DLG4: variants seen among roughly 807,000 people sequenced by gnomAD.
The protein encoded by DLG4 is disks large homolog 4.
In DLG4, 7 loss-of-function variants were observed where a neutral mutation model predicts 93.8. That is an observed-to-expected ratio of 0.07 (90% CI 0.04 to 0.14). The LOEUF (loss-of-function observed/expected upper bound fraction) is 0.14. DLG4 is among the 10% of genes least tolerant of loss of function. The pLI, the probability that DLG4 is intolerant of heterozygous loss-of-function variation, is 1.00. For synonymous variants in DLG4, 341 were observed against 387.6 expected, an observed-to-expected ratio of 0.88 and a Z score of 1.41; for missense variants, 545 against 992.9, an observed-to-expected ratio of 0.55 and a Z score of 6.06.
At position 7,202,742 on chromosome 17, in the gene DLG4, T is replaced by C. The variant is rs578038144; in HGVS notation, c.787+161A>G. ...ATCTTTTCTAGTTCTTTTATGGTAA[T>C]TGATTTTCCATCTCTTCTCCAACAA... is the stretch of plus-strand genomic sequence containing the variant. On this transcript the variant is annotated intron_variant, in intron 8 of 19. Transcript: ENST00000399506. 289 of 896,284 alleles carry C rather than the reference T, an allele frequency of 3.2e-4. 3 individuals are homozygous for C. The highest frequency in any genetic ancestry group is 3.0e-3 in the South Asian group (149 of 49,104). The allele number at this position is 896,284 out of a possible 1,614,324, so 55.5% of individuals were successfully genotyped here.
intron 2 of DLG4, among the ~76,000 whole-genome samples, chr17:7,206,579 T>A (rs1246134045): frequency 6.6e-6 from 1 of 151,974 alleles, no homozygotes; most frequent in African/African-American, 2.4e-5. Context: ...GCACAAAGCA[T>A]CTCTAGTCTT....
At chr17:7,214,288 G>T (rs953037996) in intron 1 of DLG4, among the ~76,000 whole-genome samples, 1 of 152,128 alleles carries the variant, frequency 6.6e-6, no homozygotes, top group Non-Finnish European at 1.5e-5. Flanking sequence ...CGCACGGGGG[G>T]CCACGCCACG....
chr17:7,204,458 G>T (rs1308469206), intron 2 of DLG4: 5 of 547,708 alleles, frequency 9.1e-6, no homozygotes, highest in Admixed American at 3.5e-5. Context: ...CACACGCACA[G>T]ATGCACACGC....
chr17:7,188,620 A>C lies in DLG4; in HGVS notation c.*2088T>G, dbSNP rs2069357843. 6.6e-6 allele frequency among the ~76,000 whole-genome samples: 1 copy of C among 152,172 alleles called. No individual in the cohort carries two copies. The highest frequency in any genetic ancestry group is 1.5e-5 in the Non-Finnish European group (1 of 68,030). On this transcript the variant is annotated 3_prime_UTR_variant, in exon 20 of 20. Transcript: ENST00000399506. Reference sequence around the variant, plus strand: ...CCAGGAAAATATGACTCCCTAAAAGAACTAAAATTATTTCTCCCTTATAAT... The same window carrying C: ...CCAGGAAAATATGACTCCCTAAAAGCACTAAAATTATTTCTCCCTTATAAT...
rs377743557 is a variant in DLG4 at position 7,204,053 on chromosome 17, G to A, written c.165C>T (p.Asn55=). ...CGTATTCCATCTCCCCCTCGGTCCC[G>A]TTCACCTGCAACTCCAGCACGGGAC... is the stretch of plus-strand genomic sequence containing the variant. The part of the protein sequence containing the change: ...LEAPGYELQV[N]GTEGEMEYEE... Residue 55 remains asparagine, a synonymous_variant, in exon 4 of 20, where the codon AAC becomes AAT. Transcript: ENST00000399506. The A allele has an allele frequency of 5.0e-6, 8 of 1,609,124 alleles. No homozygotes were observed. The highest frequency in any genetic ancestry group is 1.3e-5 in the African/African-American group (1 of 74,740).
At chr17:7,198,616 G>A (rs1171939132) in intron 8 of DLG4, among the ~76,000 whole-genome samples, 10 of 152,044 alleles carry the variant, frequency 6.6e-5, no homozygotes, top group Admixed American at 2.0e-4. Context: ...TTGGGAGGCC[G>A]AGGCAGGTGG....
chr17:7,202,865 T>C (rs371462728), intron 8 of DLG4, 38 bp downstream of exon 8: 4 of 1,611,308 alleles, frequency 2.5e-6, no homozygotes, highest in Non-Finnish European at 2.5e-6. Flanking sequence ...TTAAACGGGA[T>C]GGGTCATGGG....
At position 7,196,716 on chromosome 17, in the gene DLG4, T is replaced by C. The variant is rs747277631; in HGVS notation, c.1083+41A>G. ...CCCAAGAGCTCTGCGCTCTGCCCTG[T>C]GGGGAGGGGGTGGTGCAGGTAGGGG... On this transcript the variant is annotated intron_variant, in intron 9 of 19. Coordinates refer to ENST00000399506, the MANE Select transcript of DLG4 (RefSeq NM_001321075.3). This position sits in a 1 kb window ranked among gnomAD's most constrained non-coding sequence, Gnocchi z 8.3. 6.3e-7 allele frequency: 1 copy of C among 1,584,518 alleles called. No individual in the cohort carries two copies. The highest frequency in any genetic ancestry group is 8.6e-7 in the Non-Finnish European group (1 of 1,165,484).
In DLG4 at chr17:7,196,388, T is replaced by C; in HGVS notation, c.1187-54A>G. Reference sequence around the variant, plus strand: ...TCTGTCCCCATCCTACTGTCACCCCTGTCCTCCCCTACTGAAGCCATCAGC... The same window carrying C: ...TCTGTCCCCATCCTACTGTCACCCCCGTCCTCCCCTACTGAAGCCATCAGC... On this transcript the variant is annotated intron_variant, in intron 10 of 19. Coordinates refer to ENST00000399506, the MANE Select transcript of DLG4 (RefSeq NM_001321075.3). This position sits in a 1 kb window ranked among gnomAD's most constrained non-coding sequence, Gnocchi z 8.3. 6.2e-7 allele frequency: 1 copy of C among 1,608,554 alleles called. No individual in the cohort carries two copies. The highest frequency in any genetic ancestry group is 8.5e-7 in the Non-Finnish European group (1 of 1,175,068).
At chr17:7,219,228 G>A (rs997245768), upstream of DLG4, 4 of 331,136 alleles carry the variant, frequency 1.2e-5, no homozygotes, top group African/African-American at 2.2e-5. Context: ...AGAGAAGTTG[G>A]GGTTTTACGG....
intron 1 of DLG4, chr17:7,213,909 C>T (rs558883658): frequency 4.3e-6 from 2 of 469,850 alleles, no homozygotes; most frequent in Admixed American, 2.4e-5. Context: ...CCAGAGGATC[C>T]AAGGAGTCAG....
Position 7,208,246 on chromosome 17 carries a change from A to T in DLG4, c.31-7T>A, listed in dbSNP as rs1214290708. 1 of 1,312,116 alleles carries T rather than the reference A, an allele frequency of 7.6e-7. No individual in the cohort carries two copies. Among genetic ancestry groups the T allele is most frequent in the East Asian group, 2.8e-5 (1 of 35,664 alleles). 81.3% of individuals were successfully genotyped at this position (1,312,116 alleles called of 1,614,324 possible). On this transcript the variant is annotated splice_region_variant and splice_polypyrimidine_tract_variant and intron_variant, in intron 1 of 19. Transcript: ENST00000399506. The surrounding 1 kb of genome is among the most constrained non-coding windows in gnomAD (Gnocchi z 5.4). ...CATCTTGGTAGCGGTATTTCTGGGGATGGGGACGGAGGTGTCACTGGGGCC... is the reference window on the plus strand; with the variant it reads ...CATCTTGGTAGCGGTATTTCTGGGGTTGGGGACGGAGGTGTCACTGGGGCC...
In DLG4 at chr17:7,190,821, G is replaced by A; in HGVS notation, c.2069-7C>T. The A allele has an allele frequency of 6.2e-7, 1 of 1,612,834 alleles. No individual in the cohort carries two copies. Among genetic ancestry groups the A allele is most frequent in the Non-Finnish European group, 8.5e-7 (1 of 1,179,050 alleles). ...CTGTCACCCTCCACGATGGCTGGGAGTGGGGTGGAGCAGGGAGTGAGGCCA... is the reference window on the plus strand; with the variant it reads ...CTGTCACCCTCCACGATGGCTGGGAATGGGGTGGAGCAGGGAGTGAGGCCA... On this transcript the variant is annotated splice_polypyrimidine_tract_variant and splice_region_variant and intron_variant, in intron 19 of 19. Transcript: ENST00000399506.
At chr17:7,206,929 G>A (rs2070490330) in intron 2 of DLG4, among the ~76,000 whole-genome samples, 1 of 152,074 alleles carries the variant, frequency 6.6e-6, no homozygotes, top group Non-Finnish European at 1.5e-5. Flanking sequence ...CTCACAGCTT[G>A]CCTGGTGCTC....
chr17:7,197,774 C>T (rs934068301), intron 8 of DLG4, among the ~76,000 whole-genome samples: 1 of 152,164 alleles, frequency 6.6e-6, no homozygotes, highest in Non-Finnish European at 1.5e-5. Context: ...CATGAGCCAC[C>T]TTGACCAGCC....
At position 7,191,513 on chromosome 17, in the gene DLG4, C is replaced by A. The variant is rs1381961040; in HGVS notation, c.1977-155G>T. 1.5e-5 allele frequency: 10 copies of A among 672,600 alleles called. No individual in the cohort carries two copies. Among genetic ancestry groups the A allele is most frequent in the Non-Finnish European group, 2.5e-5 (10 of 392,428 alleles). The allele number at this position is 672,600 out of a possible 1,614,324, so 41.7% of individuals were successfully genotyped here. A position where few individuals can be genotyped will look rare whatever the true frequency, so the allele number is the denominator to read the frequency against. On this transcript the variant is annotated intron_variant, in intron 18 of 19. Coordinates refer to ENST00000399506, the MANE Select transcript of DLG4 (RefSeq NM_001321075.3). This position sits in a 1 kb window ranked among gnomAD's most constrained non-coding sequence, Gnocchi z 6.6. ...TATCCTCTGGGGCCACAGATGAGAA[C>A]CACCCCCCACCCCCCTGCCACCCGC... is the stretch of plus-strand genomic sequence containing the variant.
In DLG4 at chr17:7,191,306, C is replaced by T; in HGVS notation, c.2029G>A (p.Ala677Thr). Residue 677 changes from alanine (A) to threonine (T), a missense_variant, in exon 19 of 20, where the codon GCC becomes ACC. This residue lies in a region of DLG4 where 428 missense variants were observed against 741.4 expected (regional missense o/e 0.58). Transcript: ENST00000399506. The surrounding 1 kb of genome is among the most constrained non-coding windows in gnomAD (Gnocchi z 6.6). ...EEQARKAFDR[A>T]TKLEQEFTEC... ...GTGAACTCCTGCTCCAGCTTGGTGG[C>T]TCTGTCGAAGGCTTTGCGGGCTTGC... The T allele has an allele frequency of 3.1e-6, 5 of 1,613,978 alleles. No individual in the cohort carries two copies. The highest frequency in any genetic ancestry group is 1.1e-5 in the South Asian group (1 of 91,082).
At chr17:7,213,308 C>A (rs1195132881) in intron 1 of DLG4, among the ~76,000 whole-genome samples, 1 of 151,936 alleles carries the variant, frequency 6.6e-6, no homozygotes, top group East Asian at 1.9e-4. Context: ...CCATGTTGGC[C>A]AGGCTGGTCT....
chr17:7,204,453 G>T, intron 2 of DLG4: 2 of 559,932 alleles, frequency 3.6e-6, no homozygotes, highest in Non-Finnish European at 6.3e-6. Flanking sequence ...GCACACACAC[G>T]CACAGATGCA....
Sources: gnomAD v4.1 joint callset for allele counts (sites outside exome capture counted in the v4.1 genomes callset) on GRCh38, gnomAD v4.1.1 for gene constraint, gnomAD v4.1.1 regional missense constraint, Gnocchi (gnomAD v3.1) non-coding constraint, MANE v1.5 for transcripts, NCBI Gene and HGNC (gene_info 2026-07-23, HGNC 2026-07-21) for gene names.